Variants in CTSO observed in about 807,000 individuals in gnomAD.
The protein encoded by CTSO is cathepsin O.
CTSO carries 40 observed loss-of-function variants against 42.4 expected under a neutral mutation model. The ratio of observed to expected loss-of-function variants is 0.94; its 90% CI spans 0.73 to 1.23. The LOEUF is 1.23. CTSO is among the 50% of genes most tolerant of loss of function. The pLI is 0.00. For synonymous variants in CTSO, 156 were observed against 146.2 expected (o/e 1.07, Z -0.48); for missense variants, 441 against 396.0 (o/e 1.11, Z -0.96).
intron 1 of CTSO, among the ~76,000 whole-genome samples, chr4:155,947,200 C>G (rs1161968099): frequency 2.0e-5 from 3 of 152,132 alleles, no homozygotes; most frequent in African/African-American, 7.2e-5. Flanking sequence ...CTTACCATTG[C>G]TGTGCAATTT....
intron 7 of CTSO, among the ~76,000 whole-genome samples, chr4:155,926,685 T>G (rs1281198500): frequency 1.3e-5 from 2 of 152,176 alleles, no homozygotes. Context: ...ATACTCACTT[T>G]CAGGAAGAAT....
intron 5 of CTSO, among the ~76,000 whole-genome samples, chr4:155,936,230 G>A (rs1284684151): frequency 6.6e-6 from 1 of 152,072 alleles, no homozygotes; most frequent in African/African-American, 2.4e-5. Flanking sequence ...GCCAGCTGTG[G>A]AATTAAGGCT....
intron 1 of CTSO, among the ~76,000 whole-genome samples, chr4:155,949,278 A>AG: frequency 6.6e-6 from 1 of 152,372 alleles, no homozygotes; most frequent in African/African-American, 2.4e-5. Flanking sequence ...ATAGTTATTT[A>AG]GCCTGCAAGA....
At chr4:155,951,655 A>G (rs1743675667) in intron 1 of CTSO, among the ~76,000 whole-genome samples, 1 of 152,190 alleles carries the variant, frequency 6.6e-6, no homozygotes, top group African/African-American at 2.4e-5. Flanking sequence ...AGACATTACT[A>G]ATTAATCAAG....
chr4:155,946,338 G>C (rs1390986694), intron 1 of CTSO, among the ~76,000 whole-genome samples: 1 of 152,140 alleles, frequency 6.6e-6, no homozygotes, highest in Non-Finnish European at 1.5e-5. Context: ...CGGTTGTGAA[G>C]TAGTTATAAT....
chr4:155,932,278 T>A (rs1217651935), intron 5 of CTSO, among the ~76,000 whole-genome samples: 1 of 152,154 alleles, frequency 6.6e-6, no homozygotes, highest in Admixed American at 6.5e-5. Flanking sequence ...TAAGACCACA[T>A]GACGTTACCA....
Position 155,926,025 on chromosome 4 carries a change from T to C in CTSO, c.*11A>G. 1 of 1,602,534 alleles carries C rather than the reference T, an allele frequency of 6.2e-7. No individual in the cohort carries two copies. Among genetic ancestry groups the C allele is most frequent in the Non-Finnish European group, 8.5e-7 (1 of 1,173,822 alleles). On this transcript the variant is annotated 3_prime_UTR_variant, in exon 8 of 8. Transcript: ENST00000433477. ...TCATTTTTGTAGCTGTCTCTTGATC[T>C]GCCCAACATGTCACACAAATATAGA...
chr4:155,929,542 C>G lies in CTSO; in HGVS notation c.838G>C (p.Gly280Arg). 6.2e-7 allele frequency: 1 copy of G among 1,611,448 alleles called. No homozygotes were observed. Among genetic ancestry groups the G allele is most frequent in the Non-Finnish European group, 8.5e-7 (1 of 1,178,942 alleles). Residue 280 changes from glycine (G) to arginine (R), a missense_variant and splice_region_variant, in exon 6 of 8, where the codon GGA becomes CGA. Coordinates refer to ENST00000433477, the MANE Select transcript of CTSO (RefSeq NM_001334.3). ...TCAACTGAGTCTTATCAGCACTTAC[C>G]TGTTTTATCAAACCCAGTTATGAGA... is the stretch of plus-strand genomic sequence containing the variant. ...AVLITGFDKT[G>R]STPYWIVRNS...
At chr4:155,938,583 C>G (rs1743372138) in intron 4 of CTSO, among the ~76,000 whole-genome samples, 1 of 152,108 alleles carries the variant, frequency 6.6e-6, no homozygotes, top group African/African-American at 2.4e-5. Context: ...GGCTCAGCTA[C>G]TGACTTGACA....
chr4:155,949,266 G>A (rs999497222), intron 1 of CTSO, among the ~76,000 whole-genome samples: 23 of 152,298 alleles, frequency 1.5e-4, no homozygotes, highest in Middle Eastern at 3.4e-3. Flanking sequence ...TGGTGGAGGG[G>A]TATAGTTATT....
At chr4:155,937,311 A>T (rs1258123814) in intron 5 of CTSO, 51 bp downstream of exon 5, 1 of 1,449,198 alleles carries the variant, frequency 6.9e-7, no homozygotes, top group South Asian at 1.2e-5. Context: ...CAGTCAATAG[A>T]TCATAAATTA....
At position 155,952,641 on chromosome 4, in the gene CTSO, A is replaced by G. The variant is rs567686206; in HGVS notation, c.135+1072T>C. Reference sequence around the variant, plus strand: ...AGAATAATAAAGTGGAGATAACAGTACACATCTCGGTTTGGACAAAACGTA... The same window carrying G: ...AGAATAATAAAGTGGAGATAACAGTGCACATCTCGGTTTGGACAAAACGTA... On this transcript the variant is annotated intron_variant, in intron 1 of 7. Coordinates refer to ENST00000433477, the MANE Select transcript of CTSO (RefSeq NM_001334.3). Among the ~76,000 whole-genome samples the G allele has an allele frequency of 8.5e-5, 13 of 152,354 alleles. No homozygotes were observed. The South Asian group carries it at 2.7e-3, about 32-fold the overall frequency.
intron 7 of CTSO, among the ~76,000 whole-genome samples, chr4:155,926,906 C>T (rs750738610): frequency 3.3e-5 from 5 of 152,160 alleles, no homozygotes. Context: ...AAAGCAGTCA[C>T]CCCTCAGCCC....
intron 3 of CTSO, 83 bp downstream of exon 3, chr4:155,942,234 C>A: frequency 8.8e-7 from 1 of 1,133,516 alleles, no homozygotes; most frequent in African/African-American, 1.6e-5. Flanking sequence ...AATGATGTTT[C>A]CATTACAACT....
chr4:155,937,567 T>C, intron 4 of CTSO, 84 bp from the exon 5 acceptor site: 1 of 1,321,334 alleles, frequency 7.6e-7, no homozygotes, highest in Non-Finnish European at 1.1e-6. Context: ...TCAAAACAGG[T>C]TCAATTTCAC....
chr4:155,932,354 A>G (rs1698634335), intron 5 of CTSO, among the ~76,000 whole-genome samples: 1 of 152,124 alleles, frequency 6.6e-6, no homozygotes, highest in African/African-American at 2.4e-5. Flanking sequence ...CCGACTCCAC[A>G]GTTTACTAGC....
At chr4:155,936,087 T>C (rs1359137057) in intron 5 of CTSO, among the ~76,000 whole-genome samples, 1 of 152,224 alleles carries the variant, frequency 6.6e-6, no homozygotes, top group Non-Finnish European at 1.5e-5. Context: ...CCTTCCCTTA[T>C]ACTCTCAAGG....
At chr4:155,951,613 C>A (rs1743675251) in intron 1 of CTSO, among the ~76,000 whole-genome samples, 1 of 152,156 alleles carries the variant, frequency 6.6e-6, no homozygotes, top group Non-Finnish European at 1.5e-5. Context: ...AATTTTAAAA[C>A]CTTCACCATT....
chr4:155,930,599 G>A (rs998883219), intron 5 of CTSO, among the ~76,000 whole-genome samples: 1 of 152,142 alleles, frequency 6.6e-6, no homozygotes, highest in African/African-American at 2.4e-5. Context: ...AAACTATTAA[G>A]ATAACATTTG....
Sources: allele counts gnomAD v4.1 joint callset (sites outside exome capture counted in the v4.1 genomes callset), GRCh38; gene constraint gnomAD v4.1.1; transcripts MANE v1.5; gene names NCBI Gene and HGNC (gene_info 2026-07-23, HGNC 2026-07-21).